MAP4K4: variants seen among roughly 807,000 people sequenced by gnomAD.
MAP4K4 encodes the protein HPK/GCK-like kinase HGK.
MAP4K4 carries 38 observed loss-of-function variants against 189.6 expected under a neutral mutation model. That is an observed-to-expected ratio of 0.20 (90% confidence interval 0.15 to 0.26). The LOEUF (loss-of-function observed/expected upper bound fraction) is 0.26, where lower values mean the gene tolerates loss of function less well. Among genes scored for constraint, MAP4K4 ranks in the 10% least tolerant of loss-of-function variants. MAP4K4 has a pLI of 1.00. For missense variants in MAP4K4, 1,054 were observed against 1,726.9 expected (o/e 0.61, Z 6.91); for synonymous variants, 610 against 624.3 (o/e 0.98, Z 0.34).
At chr2:101,831,028 G>A (rs2096581203) in intron 6 of MAP4K4, among the ~76,000 whole-genome samples, 1 of 152,162 alleles carries the variant, frequency 6.6e-6, no homozygotes. Context: ...GTTCCTGCTG[G>A]GTTAATGGCA....
At chr2:101,882,312 C>G (rs975720939) in intron 27 of MAP4K4, among the ~76,000 whole-genome samples, 4 of 152,182 alleles carry the variant, frequency 2.6e-5, no homozygotes, top group Non-Finnish European at 5.9e-5. Flanking sequence ...TATAGTGGCA[C>G]GTCCAGTTTT....
At chr2:101,830,009 T>C (rs2096547406) in intron 6 of MAP4K4, among the ~76,000 whole-genome samples, 1 of 152,208 alleles carries the variant, frequency 6.6e-6, no homozygotes, top group Non-Finnish European at 1.5e-5. Flanking sequence ...GTCTTTTTTT[T>C]CTTTTCTTAA....
intron 2 of MAP4K4, among the ~76,000 whole-genome samples, chr2:101,712,968 A>G (rs2046427982): frequency 6.8e-6 from 1 of 147,536 alleles, no homozygotes; most frequent in Non-Finnish European, 1.5e-5. Flanking sequence ...AGTGGGCACC[A>G]TCTTGGCTCA....
At chr2:101,821,133 T>G (rs947733238) in intron 3 of MAP4K4, among the ~76,000 whole-genome samples, 2 of 152,170 alleles carry the variant, frequency 1.3e-5, no homozygotes, top group African/African-American at 2.4e-5. Context: ...TGGCCACATT[T>G]AAATCTCAGA....
At chr2:101,781,383 G>A (rs2087347289) in intron 2 of MAP4K4, among the ~76,000 whole-genome samples, 1 of 152,110 alleles carries the variant, frequency 6.6e-6, no homozygotes, top group African/African-American at 2.4e-5. Flanking sequence ...ATTTTGTGCT[G>A]CTGTAGTAGA....
intron 2 of MAP4K4, among the ~76,000 whole-genome samples, chr2:101,759,854 C>T (rs1462089568): frequency 6.8e-6 from 1 of 146,626 alleles, no homozygotes; most frequent in East Asian, 2.1e-4. Context: ...CCATCCGTCT[C>T]CTCTGTCTTG....
At chr2:101,721,057 T>C (rs759557830) in intron 2 of MAP4K4, among the ~76,000 whole-genome samples, 13 of 152,232 alleles carry the variant, frequency 8.5e-5, no homozygotes, top group Non-Finnish European at 1.0e-4. Flanking sequence ...TTAATTCAGA[T>C]CTTCCAGTTA....
chr2:101,708,133 TGATCTCTA>T (rs1320584001), intron 2 of MAP4K4, among the ~76,000 whole-genome samples: 1 of 152,186 alleles, frequency 6.6e-6, no homozygotes, highest in Non-Finnish European at 1.5e-5. Flanking sequence ...CTGATAGAAA[TGATCTCTA>T]CTACCTCTTT....
In MAP4K4 at chr2:101,880,878, G is replaced by A. The variant is rs138388277; in HGVS notation, c.3386-1673G>A. On this transcript the variant is annotated intron_variant, in intron 27 of 32. Transcript: ENST00000324219. ...CTCTTTTTGTGCTAATAACCACACT[G>A]TTTTGATTACTGTAGATTTATAGTA... Among the ~76,000 whole-genome samples, 209 of 152,194 alleles carry A rather than the reference G, an allele frequency of 1.4e-3. 4 individuals carry two copies. In the East Asian group the frequency reaches 0.028, roughly 20 times the overall value.
At chr2:101,877,942 G>C (rs1478388204) in intron 27 of MAP4K4, among the ~76,000 whole-genome samples, 2 of 151,946 alleles carry the variant, frequency 1.3e-5, no homozygotes, top group South Asian at 2.1e-4. Flanking sequence ...GTAGAGACAG[G>C]GTTTCACCAT....
intron 26 of MAP4K4, among the ~76,000 whole-genome samples, chr2:101,874,703 GTTT>G (rs2098148206): frequency 6.6e-6 from 1 of 152,122 alleles, no homozygotes; most frequent in South Asian, 2.1e-4. Context: ...GCAACCCAGT[GTTT>G]TTCATTTTTC....
chr2:101,797,273 G>A (rs1434958725), intron 3 of MAP4K4: 1 of 1,290,626 alleles, frequency 7.7e-7, no homozygotes, highest in Non-Finnish European at 1.0e-6. Context: ...AATGCTACAG[G>A]CCTTACAGCT....
intron 3 of MAP4K4, among the ~76,000 whole-genome samples, chr2:101,815,053 C>A (rs1015649770): frequency 4.6e-5 from 7 of 152,116 alleles, no homozygotes; most frequent in African/African-American, 1.7e-4. Flanking sequence ...TTTTGACAGC[C>A]AATACTTTGA....
intron 12 of MAP4K4, among the ~76,000 whole-genome samples, chr2:101,846,372 C>T (rs770310206): frequency 1.4e-4 from 22 of 151,868 alleles, no homozygotes; most frequent in Non-Finnish European, 2.5e-4. Context: ...TTTTTGATCC[C>T]GGCCTGTACT....
intron 16 of MAP4K4, among the ~76,000 whole-genome samples, chr2:101,863,435 C>T (rs1296979494): frequency 6.6e-6 from 1 of 152,128 alleles, no homozygotes; most frequent in Admixed American, 6.6e-5. Context: ...CTTTATCTTA[C>T]AATTTTTCTG....
intron 2 of MAP4K4, among the ~76,000 whole-genome samples, chr2:101,731,202 C>T (rs1473848781): frequency 6.6e-6 from 1 of 151,740 alleles, no homozygotes; most frequent in African/African-American, 2.4e-5. Flanking sequence ...CTGCAACCTC[C>T]GCCCCCCAGA....
chr2:101,846,874 A>G (rs1382121055), intron 12 of MAP4K4, among the ~76,000 whole-genome samples: 1 of 152,182 alleles, frequency 6.6e-6, no homozygotes, highest in African/African-American at 2.4e-5. Flanking sequence ...TTTACACTCC[A>G]GGTCTGAGGA....
chr2:101,828,500 G>A (rs1378248404), intron 5 of MAP4K4, among the ~76,000 whole-genome samples: 1 of 152,166 alleles, frequency 6.6e-6, no homozygotes, highest in Non-Finnish European at 1.5e-5. Flanking sequence ...TGTCGAATAA[G>A]CTCTGCTCTG....
At chr2:101,737,808 T>C (rs1300373321) in intron 2 of MAP4K4, among the ~76,000 whole-genome samples, 2 of 152,128 alleles carry the variant, frequency 1.3e-5, no homozygotes, top group Non-Finnish European at 2.9e-5. Context: ...GCCTTTTCTC[T>C]CTACTCTCTC....
Sources: gnomAD v4.1 joint callset for allele counts (sites outside exome capture counted in the v4.1 genomes callset) on GRCh38, gnomAD v4.1.1 for gene constraint, MANE v1.5 for transcripts, NCBI Gene and HGNC (gene_info 2026-07-23, HGNC 2026-07-21) for gene names.